Variants in RIT2 observed in about 807,000 individuals in gnomAD.
RIT2 encodes Ras like without CAAX 2, also known as GTP-binding protein Rit2.
RIT2 carries 24 observed loss-of-function variants against 23.7 expected under a neutral mutation model. That is an observed-to-expected ratio of 1.01 (90% confidence interval 0.73 to 1.43). The LOEUF (loss-of-function observed/expected upper bound fraction) is 1.43. Among genes scored for constraint, RIT2 ranks in the 40% most tolerant of loss-of-function variants. RIT2 has a pLI of 0.00. For missense variants in RIT2, 236 were observed against 266.9 expected, an observed-to-expected ratio of 0.88 and a Z score of 0.81; for synonymous variants, 107 against 91.1, an observed-to-expected ratio of 1.17 and a Z score of -0.99.
At chr18:42,813,288 G>T (rs1299928736) in intron 4 of RIT2, among the ~76,000 whole-genome samples, 1 of 152,160 alleles carries the variant, frequency 6.6e-6, no homozygotes, top group African/African-American at 2.4e-5. Context: ...TAACAAAGAA[G>T]AATTAAGAAA....
chr18:42,834,734 T>C (rs1367535763), intron 4 of RIT2, among the ~76,000 whole-genome samples: 1 of 152,184 alleles, frequency 6.6e-6, no homozygotes, highest in Non-Finnish European at 1.5e-5. Flanking sequence ...CATGCAAGTA[T>C]ACAGTGAGGC....
At chr18:42,977,076 A>C (rs1910492537) in intron 2 of RIT2, among the ~76,000 whole-genome samples, 1 of 152,072 alleles carries the variant, frequency 6.6e-6, no homozygotes, top group African/African-American at 2.4e-5. Flanking sequence ...TTAATTTTAG[A>C]AACGTTGACT....
intron 4 of RIT2, among the ~76,000 whole-genome samples, chr18:42,862,495 G>T (rs1052587154): frequency 1.3e-5 from 2 of 152,108 alleles, no homozygotes; most frequent in African/African-American, 4.8e-5. Context: ...GAGACAAAAA[G>T]ATGCTTTGAC....
intron 4 of RIT2, among the ~76,000 whole-genome samples, chr18:42,869,118 C>T (rs1037394205): frequency 9.9e-5 from 15 of 152,158 alleles, no homozygotes; most frequent in Non-Finnish European, 1.6e-4. Flanking sequence ...TCAGCAGTCC[C>T]CAAACTTATT....
At chr18:43,033,896 A>C in intron 1 of RIT2, 29 bp from the exon 2 acceptor site, 2 of 1,487,748 alleles carry the variant, frequency 1.3e-6, no homozygotes, top group South Asian at 2.3e-5. Context: ...ATTTTGTTTA[A>C]TAAAAATTCA....
At position 42,795,449 on chromosome 18, in the gene RIT2, G is replaced by A. The variant is rs543710671; in HGVS notation, c.427-51729C>T. ...CTGGCGCTGCTCTCGATTTCTCACCGGGACTTAGCTGCCTTCCCGCGGGGC... is the reference window on the plus strand; with the variant it reads ...CTGGCGCTGCTCTCGATTTCTCACCAGGACTTAGCTGCCTTCCCGCGGGGC... On this transcript the variant is annotated intron_variant, in intron 4 of 4. Coordinates refer to ENST00000326695, the MANE Select transcript of RIT2 (RefSeq NM_002930.4). Among the ~76,000 whole-genome samples the A allele has an allele frequency of 4.6e-5, 7 of 152,298 alleles. No homozygotes were observed. The East Asian group carries it at 7.7e-4, about 17-fold the overall frequency.
intron 3 of RIT2, among the ~76,000 whole-genome samples, chr18:42,952,606 A>G (rs1176764591): frequency 2.0e-5 from 3 of 152,110 alleles, no homozygotes; most frequent in Non-Finnish European, 4.4e-5. Context: ...TATGGCATAG[A>G]TTGTGTTGAT....
At chr18:43,079,753 G>T (rs923434849) in intron 1 of RIT2, among the ~76,000 whole-genome samples, 1 of 152,184 alleles carries the variant, frequency 6.6e-6, no homozygotes, top group Non-Finnish European at 1.5e-5. Flanking sequence ...AAATTTAGAG[G>T]CTATAATCCT....
At chr18:43,054,838 A>G (rs1160766637) in intron 1 of RIT2, among the ~76,000 whole-genome samples, 1 of 152,118 alleles carries the variant, frequency 6.6e-6, no homozygotes, top group Admixed American at 6.6e-5. Context: ...CCCATGACGC[A>G]TTCATAAAAG....
intron 2 of RIT2, among the ~76,000 whole-genome samples, chr18:42,992,206 C>T (rs1415049965): frequency 6.6e-6 from 1 of 152,174 alleles, no homozygotes; most frequent in Non-Finnish European, 1.5e-5. Flanking sequence ...CTCTTCAACT[C>T]ACACGTGACC....
chr18:42,922,115 C>T (rs1007475682), intron 4 of RIT2, among the ~76,000 whole-genome samples: 2 of 152,060 alleles, frequency 1.3e-5, no homozygotes, highest in African/African-American at 2.4e-5. Context: ...TTTTAAGATG[C>T]TTAGATTCTC....
intron 3 of RIT2, among the ~76,000 whole-genome samples, chr18:42,971,638 T>C (rs1910363187): frequency 6.6e-6 from 1 of 152,122 alleles, no homozygotes; most frequent in African/African-American, 2.4e-5. Flanking sequence ...ATGATTTTTC[T>C]AGTTCACAAA....
intron 1 of RIT2, among the ~76,000 whole-genome samples, chr18:43,105,346 A>C (rs901957718): frequency 1.3e-5 from 2 of 150,438 alleles, no homozygotes; most frequent in Non-Finnish European, 3.0e-5. Context: ...TATTCAACCC[A>C]AATTGTATTT....
At chr18:42,934,442 T>C (rs925096584) in intron 3 of RIT2, among the ~76,000 whole-genome samples, 3 of 152,132 alleles carry the variant, frequency 2.0e-5, no homozygotes, top group African/African-American at 7.2e-5. Context: ...AGGAAAAATA[T>C]GGGGATAATG....
chr18:42,852,573 G>A (rs1383809600), intron 4 of RIT2, among the ~76,000 whole-genome samples: 1 of 152,114 alleles, frequency 6.6e-6, no homozygotes, highest in East Asian at 1.9e-4. Context: ...AGGGAGTAGA[G>A]TCAAAACTAA....
intron 4 of RIT2, among the ~76,000 whole-genome samples, chr18:42,775,468 A>G (rs606128): frequency 0.67 from 101,106 of 151,806 alleles, 36,741 homozygotes; most frequent in Middle Eastern, 0.83. Context: ...AGGCCGAGGC[A>G]GGCGGATCAC....
intron 2 of RIT2, among the ~76,000 whole-genome samples, chr18:42,992,426 A>G (rs1190375453): frequency 3.3e-5 from 5 of 151,956 alleles, no homozygotes; most frequent in African/African-American, 9.7e-5. Context: ...TCTCTTCCCA[A>G]TGCAACTCGT....
At chr18:42,921,385 T>C (rs534108452) in intron 4 of RIT2, among the ~76,000 whole-genome samples, 1 of 152,124 alleles carries the variant, frequency 6.6e-6, no homozygotes, top group Non-Finnish European at 1.5e-5. Flanking sequence ...GACTATCAAA[T>C]CTGCAAAGTT....
At chr18:43,102,787 G>A (rs1913718750) in intron 1 of RIT2, among the ~76,000 whole-genome samples, 1 of 151,886 alleles carries the variant, frequency 6.6e-6, no homozygotes, top group South Asian at 2.1e-4. Flanking sequence ...CTGAGTAGCT[G>A]GGACTACAGG....
Sources: allele counts gnomAD v4.1 joint callset (sites outside exome capture counted in the v4.1 genomes callset), GRCh38; gene constraint gnomAD v4.1.1; transcripts MANE v1.5; gene names NCBI Gene and HGNC (gene_info 2026-07-23, HGNC 2026-07-21).